UBR3: variants seen among roughly 807,000 people sequenced by gnomAD.
UBR3 encodes the protein ubiquitin protein ligase E3 component n-recognin 3, also known as E3 ubiquitin-protein ligase UBR3.
In UBR3, 85 loss-of-function variants were observed where a neutral mutation model predicts 243.2. The observed-to-expected ratio is 0.35, with a 90% CI of 0.29 to 0.42. The LOEUF (loss-of-function observed/expected upper bound fraction) is 0.42, where lower values mean the gene tolerates loss of function less well. Ranked by LOEUF, UBR3 falls within the 10% of genes least tolerant of loss-of-function variation. The pLI, the probability that UBR3 is intolerant of heterozygous loss-of-function variation, is 1.00. For missense variants in UBR3, 1,686 were observed against 2,300.8 expected (o/e 0.73, Z 5.47); for synonymous variants, 748 against 799.8 (o/e 0.94, Z 1.09).
intron 21 of UBR3, chr2:169,947,297 A>G (rs2086822729): frequency 3.6e-6 from 1 of 281,248 alleles, no homozygotes. Flanking sequence ...TTAAAAATGT[A>G]TTTTAAATCA....
chr2:169,877,427 A>T, intron 3 of UBR3, 67 bp from the exon 4 acceptor site: 1 of 1,372,460 alleles, frequency 7.3e-7, no homozygotes, highest in Non-Finnish European at 9.8e-7. Flanking sequence ...GATACTAGTT[A>T]ATGAAAAGAC....
chr2:169,950,162 C>T, intron 23 of UBR3, 97 bp downstream of exon 23: 2 of 1,110,182 alleles, frequency 1.8e-6, no homozygotes, highest in Non-Finnish European at 2.5e-6. Context: ...GGATGTTTAA[C>T]AGGAACAGTC....
At chr2:169,936,334 C>CAAAT (rs1176748528) in intron 19 of UBR3, among the ~76,000 whole-genome samples, 1 of 152,120 alleles carries the variant, frequency 6.6e-6, no homozygotes, top group East Asian at 1.9e-4. Flanking sequence ...GCTGGGATTA[C>CAAAT]AGGCGTGAAC....
intron 8 of UBR3, among the ~76,000 whole-genome samples, chr2:169,903,548 C>T (rs2084906975): frequency 6.6e-6 from 1 of 152,162 alleles, no homozygotes; most frequent in South Asian, 2.1e-4. Flanking sequence ...GTGTACTTAA[C>T]TTCAGTGGAC....
chr2:169,835,096 T>C (rs2082043396), intron 1 of UBR3, among the ~76,000 whole-genome samples: 1 of 151,130 alleles, frequency 6.6e-6, no homozygotes, highest in Non-Finnish European at 1.5e-5. Flanking sequence ...AGATCGATGG[T>C]TGTGATGGTT....
intron 23 of UBR3, among the ~76,000 whole-genome samples, chr2:169,950,694 G>A (rs2086983740): frequency 6.6e-6 from 1 of 151,794 alleles, no homozygotes; most frequent in Admixed American, 6.6e-5. Flanking sequence ...AGGACTATGA[G>A]CATGGTTTGG....
chr2:169,923,287 G>C (rs907675271), intron 11 of UBR3, among the ~76,000 whole-genome samples: 2 of 152,188 alleles, frequency 1.3e-5, no homozygotes, highest in African/African-American at 2.4e-5. Flanking sequence ...CCTCTGTTTA[G>C]GGATGTGGTC....
chr2:169,846,824 G>A (rs914636988), intron 1 of UBR3, among the ~76,000 whole-genome samples: 1 of 152,004 alleles, frequency 6.6e-6, no homozygotes. Flanking sequence ...TCTTGACTTC[G>A]TGGGCTCAGG....
intron 18 of UBR3, among the ~76,000 whole-genome samples, chr2:169,932,278 A>G (rs577227445): frequency 1.3e-5 from 2 of 152,054 alleles, no homozygotes; most frequent in Admixed American, 6.5e-5. Context: ...GGGTTTCACC[A>G]TGATGGCCAG....
chr2:169,908,820 C>CCT, intron 10 of UBR3, among the ~76,000 whole-genome samples: 2 of 128,232 alleles, frequency 1.6e-5, no homozygotes, highest in South Asian at 5.1e-4. Context: ...AGTGATTGGT[C>CCT]CTTTTTTTTT....
intron 1 of UBR3, among the ~76,000 whole-genome samples, chr2:169,866,942 G>C (rs1360952871): frequency 6.6e-6 from 1 of 152,106 alleles, no homozygotes; most frequent in Non-Finnish European, 1.5e-5. Context: ...CTTTTATTTT[G>C]TATTTATGTA....
rs556906234 is a variant in UBR3, at chr2:169,914,621, A to G, written c.1866+475A>G. Among the ~76,000 whole-genome samples the G allele has an allele frequency of 3.9e-5, 6 of 152,342 alleles. No homozygotes were observed. In the South Asian group the frequency reaches 1.0e-3, roughly 26 times the overall value. ...ATAATGAGAAGAGCTGGCACAGGAC[A>G]TGGTATGTATGAATTGAACAAGTAA... On this transcript the variant is annotated intron_variant, in intron 11 of 38. Transcript: ENST00000272793.
At chr2:169,971,189 G>A (rs1370754807) in intron 24 of UBR3, among the ~76,000 whole-genome samples, 4 of 150,366 alleles carry the variant, frequency 2.7e-5, no homozygotes, top group African/African-American at 7.3e-5. Flanking sequence ...TTTTTCTTGT[G>A]AATTTGTTTG....
At position 169,960,257 on chromosome 2, in the gene UBR3, G is replaced by T. The variant is rs200752277; in HGVS notation, c.3634+1731G>T. Among the ~76,000 whole-genome samples, 13 of 128,122 alleles carry T rather than the reference G, an allele frequency of 1.0e-4. 1 individual carries two copies. The highest frequency in any genetic ancestry group is 9.9e-4 in the South Asian group (4 of 4,042). 84.1% of individuals were successfully genotyped at this position (128,122 alleles called of 152,430 possible). A position where few individuals can be genotyped will look rare whatever the true frequency, so the allele number is the denominator to read the frequency against. ...AGAGCAAAAAAAAAAAAAAAAAAAA[G>T]ATTGTATAAAATCACCGTAGCCTGT... On this transcript the variant is annotated intron_variant, in intron 24 of 38. Coordinates refer to ENST00000272793, the MANE Select transcript of UBR3 (RefSeq NM_172070.4).
Position 169,835,993 on chromosome 2 carries a change from G to GTCCCCCTCTC in UBR3, c.545+7943_545+7944insCCCCTCTCTC, listed in dbSNP as rs1194152380. ...TTTTCCTGAAATTCCTGTGTGCACT[G>GTCCCCCTCTC]TCTCTCTCTCTCTCTCTCTCTCTCT... is the stretch of plus-strand genomic sequence containing the variant. On this transcript the variant is annotated intron_variant, in intron 1 of 38. Transcript: ENST00000272793. Among the ~76,000 whole-genome samples the GTCCCCCTCTC allele has an allele frequency of 1.5e-3, 46 of 30,722 alleles. 4 individuals carry two copies. Among genetic ancestry groups the GTCCCCCTCTC allele is most frequent in the Admixed American group, 4.0e-3 (7 of 1,772 alleles). 20.2% of individuals were successfully genotyped at this position (30,722 alleles called of 152,430 possible).
chr2:169,970,076 G>A (rs2088035023), intron 24 of UBR3, among the ~76,000 whole-genome samples: 1 of 151,076 alleles, frequency 6.6e-6, no homozygotes, highest in Non-Finnish European at 1.5e-5. Context: ...ATTGCATTGT[G>A]TAGATCACTT....
At chr2:169,957,231 A>T (rs1297969753) in intron 23 of UBR3, among the ~76,000 whole-genome samples, 1 of 149,052 alleles carries the variant, frequency 6.7e-6, no homozygotes, top group Non-Finnish European at 1.5e-5. Flanking sequence ...TAGTTGACTT[A>T]TTTTCCTATT....
chr2:169,852,343 A>C (rs748970263), intron 1 of UBR3, among the ~76,000 whole-genome samples: 1 of 152,196 alleles, frequency 6.6e-6, no homozygotes, highest in Non-Finnish European at 1.5e-5. Flanking sequence ...ATGGCTTTAC[A>C]TGCTTTTGGA....
At chr2:170,068,642 C>G (rs542599211) in intron 35 of UBR3, among the ~76,000 whole-genome samples, 2 of 151,812 alleles carry the variant, frequency 1.3e-5, no homozygotes, top group East Asian at 3.9e-4. Flanking sequence ...ATAGTGAAAA[C>G]AGTAGAGAAA....
Sources: allele counts gnomAD v4.1 joint callset (sites outside exome capture counted in the v4.1 genomes callset), GRCh38; gene constraint gnomAD v4.1.1; transcripts MANE v1.5; gene names NCBI Gene and HGNC (gene_info 2026-07-23, HGNC 2026-07-21).